GRM7: variants seen among roughly 807,000 people sequenced by gnomAD.
GRM7 encodes metabotropic glutamate receptor 7.
GRM7 carries 35 observed loss-of-function variants against 84.5 expected under a neutral mutation model. The ratio of observed to expected loss-of-function variants is 0.41; its 90% CI spans 0.32 to 0.55. The LOEUF is 0.55. Ranked by LOEUF, GRM7 falls within the 20% of genes least tolerant of loss-of-function variation. GRM7 has a pLI of 0.19. For missense variants in GRM7, 1,003 were observed against 1,194.6 expected (o/e 0.84, Z 2.36); for synonymous variants, 487 against 455.1 (o/e 1.07, Z -0.89).
chr3:7,022,532 A>C (rs993274295), intron 1 of GRM7, among the ~76,000 whole-genome samples: 25 of 151,992 alleles, frequency 1.6e-4, no homozygotes, highest in African/African-American at 5.3e-4. Flanking sequence ...TAGTACCCCA[A>C]AAAAATATTT....
intron 8 of GRM7, among the ~76,000 whole-genome samples, chr3:7,656,457 C>A (rs1006635274): frequency 1.3e-5 from 2 of 151,630 alleles, no homozygotes; most frequent in African/African-American, 4.9e-5. Flanking sequence ...GATCATGCCA[C>A]TGTACTCCAG....
chr3:6,861,939 A>G lies in GRM7; in HGVS notation c.519+32A>G, dbSNP rs773099871. The G allele has an allele frequency of 3.8e-6, 6 of 1,565,578 alleles. No homozygotes were observed. Among genetic ancestry groups the G allele is most frequent in the Non-Finnish European group, 1.7e-6 (2 of 1,147,292 alleles). On this transcript the variant is annotated intron_variant, in intron 1 of 9. Transcript: ENST00000357716. This position sits in a 1 kb window ranked among gnomAD's most constrained non-coding sequence, Gnocchi z 6.4. Reference sequence around the variant, plus strand: ...ATGCGCTCCCTCCGGGGCGGAGCACACAGTGGCTACCTGCGCCCTTAACCC... The same window carrying G: ...ATGCGCTCCCTCCGGGGCGGAGCACGCAGTGGCTACCTGCGCCCTTAACCC...
rs2271826 is a variant in GRM7, at chr3:7,461,544, T to C, written c.1376-39T>C. On this transcript the variant is annotated intron_variant, in intron 6 of 9. Transcript: ENST00000357716. ...AGTACAAGAGATATAAGGAATCTTG[T>C]TTAACTTTAGAATCTTTCATTTTTT... 1.9e-3 allele frequency: 2,980 copies of C among 1,565,230 alleles called. 37 individuals are homozygous for C. The East Asian group carries it at 0.031, about 16-fold the overall frequency.
chr3:7,144,397 C>G (rs1375642238), intron 1 of GRM7, among the ~76,000 whole-genome samples: 1 of 151,838 alleles, frequency 6.6e-6, no homozygotes, highest in Non-Finnish European at 1.5e-5. Flanking sequence ...ATGACTGGTA[C>G]AAAATAAAGA....
At chr3:7,503,523 T>C (rs1371017470) in intron 7 of GRM7, among the ~76,000 whole-genome samples, 1 of 152,170 alleles carries the variant, frequency 6.6e-6, no homozygotes, top group Non-Finnish European at 1.5e-5. Flanking sequence ...GGCACTTCTC[T>C]GGTGATTATT....
intron 8 of GRM7, among the ~76,000 whole-genome samples, chr3:7,635,459 T>C (rs1196195547): frequency 6.6e-6 from 1 of 152,180 alleles, no homozygotes; most frequent in East Asian, 1.9e-4. Flanking sequence ...ATGGCATCTT[T>C]AATTAACTGT....
At chr3:6,955,056 T>C (rs1225912720) in intron 1 of GRM7, among the ~76,000 whole-genome samples, 3 of 152,290 alleles carry the variant, frequency 2.0e-5, no homozygotes, top group Admixed American at 1.3e-4. Flanking sequence ...ACCCATAAAA[T>C]CTTAATTGCG....
intron 5 of GRM7, among the ~76,000 whole-genome samples, chr3:7,437,073 CTT>C (rs2124862699): frequency 6.6e-6 from 1 of 152,246 alleles, no homozygotes; most frequent in South Asian, 2.1e-4. Flanking sequence ...TGTAGCATGA[CTT>C]TTATTATTCA....
chr3:7,098,692 A>AT (rs1257561156), intron 1 of GRM7, among the ~76,000 whole-genome samples: 1 of 151,938 alleles, frequency 6.6e-6, no homozygotes, highest in African/African-American at 2.4e-5. Context: ...GTTAAGAAAT[A>AT]TTTTTCGGTG....
intron 7 of GRM7, among the ~76,000 whole-genome samples, chr3:7,550,404 T>TTCTC (rs751320607): frequency 5.0e-5 from 7 of 141,034 alleles, no homozygotes; most frequent in African/African-American, 1.7e-4. Flanking sequence ...TTTCTTTCTT[T>TTCTC]TCTCTCTCTC....
chr3:7,067,850 T>C (rs1697723440), intron 1 of GRM7, among the ~76,000 whole-genome samples: 1 of 151,982 alleles, frequency 6.6e-6, no homozygotes, highest in Non-Finnish European at 1.5e-5. Context: ...CCTTTTAGTA[T>C]TGGATTACCT....
chr3:7,318,377 C>G (rs772695712), intron 4 of GRM7, among the ~76,000 whole-genome samples: 12 of 151,990 alleles, frequency 7.9e-5, no homozygotes, highest in Non-Finnish European at 1.6e-4. Context: ...CTGTGAAGAA[C>G]TGTACCTAGT....
chr3:7,550,195 A>C (rs914143502), intron 7 of GRM7, among the ~76,000 whole-genome samples: 1 of 151,898 alleles, frequency 6.6e-6, no homozygotes, highest in African/African-American at 2.4e-5. Context: ...CAGAGGCCAA[A>C]AAAAAACCTA....
rs769450257 is a variant in GRM7, at chr3:7,276,245, GTGTGTA to G, written c.737-22437_737-22432del. Among the ~76,000 whole-genome samples, 224 of 149,342 alleles carry G rather than the reference GTGTGTA, an allele frequency of 1.5e-3. 1 individual carries two copies. The highest frequency in any genetic ancestry group is 0.012 in the East Asian group (59 of 5,070). On this transcript the variant is annotated intron_variant, in intron 2 of 9. Transcript: ENST00000357716. The stretch of plus-strand genomic sequence containing the variant: ...TGTGTGTGTGTGTGTGTGTGTGTGT[GTGTGTA>G]TATATAATTGTCCTCTCAATGTAGA...
intron 1 of GRM7, among the ~76,000 whole-genome samples, chr3:7,101,725 A>G (rs1011648020): frequency 1.2e-4 from 18 of 149,462 alleles, no homozygotes; most frequent in Non-Finnish European, 7.4e-5. Context: ...TTTGCTTTAT[A>G]TATCTACAGA....
intron 4 of GRM7, among the ~76,000 whole-genome samples, chr3:7,388,005 C>T (rs1306289799): frequency 1.3e-5 from 2 of 152,020 alleles, no homozygotes; most frequent in Non-Finnish European, 2.9e-5. Flanking sequence ...GATCTTTTAT[C>T]TCCTTTCTTA....
chr3:7,309,149 G>C (rs1173088496), intron 4 of GRM7, among the ~76,000 whole-genome samples: 1 of 152,108 alleles, frequency 6.6e-6, no homozygotes, highest in East Asian at 1.9e-4. Context: ...TATTGCCTAG[G>C]TACATTTCTT....
chr3:7,196,478 A>G (rs895658042), intron 2 of GRM7, among the ~76,000 whole-genome samples: 1 of 152,094 alleles, frequency 6.6e-6, no homozygotes, highest in Non-Finnish European at 1.5e-5. Context: ...ATCTTGGACC[A>G]CTTACCTGCT....
intron 7 of GRM7, among the ~76,000 whole-genome samples, chr3:7,544,667 G>C (rs1273328055): frequency 6.6e-6 from 1 of 152,156 alleles, no homozygotes; most frequent in African/African-American, 2.4e-5. Flanking sequence ...ATTGGTTACT[G>C]TACCTCTTTG....
Sources: allele counts gnomAD v4.1 joint callset (sites outside exome capture counted in the v4.1 genomes callset), GRCh38; gene constraint gnomAD v4.1.1; non-coding constraint Gnocchi (gnomAD v3.1); transcripts MANE v1.5; gene names NCBI Gene and HGNC (gene_info 2026-07-23, HGNC 2026-07-21).